SNX29: variants seen among roughly 807,000 people sequenced by gnomAD.
SNX29 encodes sorting nexin 29, also known as sorting nexin-29.
Under a neutral mutation model 102.1 loss-of-function variants are expected in SNX29, and 78 were observed. The observed-to-expected ratio is 0.76, with a 90% CI of 0.64 to 0.92. The LOEUF (loss-of-function observed/expected upper bound fraction) is 0.92, where lower values mean the gene tolerates loss of function less well. Among genes scored for constraint, SNX29 ranks in the 40% least tolerant of loss-of-function variants. The pLI, the probability that SNX29 is intolerant of heterozygous loss-of-function variation, is 0.00. For synonymous variants in SNX29, 580 were observed against 414.5 expected (o/e 1.40, Z -4.85); for missense variants, 1,280 against 1,061.7 (o/e 1.21, Z -2.86).
intron 18 of SNX29, among the ~76,000 whole-genome samples, chr16:12,464,600 A>C (rs11862757): frequency 6.6e-6 from 1 of 151,658 alleles, no homozygotes; most frequent in Non-Finnish European, 1.5e-5. Flanking sequence ...ACTTACAGGC[A>C]TGTACCACCA....
At chr16:12,026,126 C>T (rs1198117039) in intron 3 of SNX29, among the ~76,000 whole-genome samples, 1 of 152,174 alleles carries the variant, frequency 6.6e-6, no homozygotes, top group South Asian at 2.1e-4. Flanking sequence ...AAGGCTGAGC[C>T]GGATGGTGGT....
chr16:12,558,178 G>A (rs1469125721), intron 20 of SNX29, among the ~76,000 whole-genome samples: 1 of 151,984 alleles, frequency 6.6e-6, no homozygotes, highest in African/African-American at 2.4e-5. Context: ...ATGCATCTCA[G>A]TTTTTAATAA....
At position 12,550,545 on chromosome 16, in the gene SNX29, A is replaced by AC. The variant is rs1485991827; in HGVS notation, c.2319-17961_2319-17960insC. On this transcript the variant is annotated intron_variant, in intron 20 of 20. Coordinates refer to ENST00000566228, the MANE Select transcript of SNX29 (RefSeq NM_032167.5). The stretch of plus-strand genomic sequence containing the variant: ...GTCTCAATCTACAAAAAAAAAAAAA[A>AC]AACCAAACACCAAATATGAGGATAT... Among the ~76,000 whole-genome samples, 16 of 151,582 alleles carry AC rather than the reference A, an allele frequency of 1.1e-4. 1 individual carries two copies. The East Asian group carries it at 3.1e-3, about 29-fold the overall frequency.
intron 20 of SNX29, among the ~76,000 whole-genome samples, chr16:12,556,011 T>G (rs566067164): frequency 6.6e-6 from 1 of 152,246 alleles, no homozygotes; most frequent in South Asian, 2.1e-4. Context: ...ACTTGTCCTG[T>G]GGACTCATGC....
At chr16:12,110,528 C>T (rs908071794) in intron 11 of SNX29, among the ~76,000 whole-genome samples, 1 of 152,118 alleles carries the variant, frequency 6.6e-6, no homozygotes, top group African/African-American at 2.4e-5. Context: ...GAGGAAGGGA[C>T]GGCCTTTTGC....
chr16:12,365,576 G>A (rs1051700729), intron 16 of SNX29, among the ~76,000 whole-genome samples: 2 of 151,528 alleles, frequency 1.3e-5, no homozygotes, highest in African/African-American at 4.9e-5. Flanking sequence ...TGTAATCACG[G>A]CTGCTTGGGA....
intron 20 of SNX29, among the ~76,000 whole-genome samples, chr16:12,555,530 C>G (rs1331591032): frequency 5.3e-5 from 8 of 151,530 alleles, no homozygotes; most frequent in South Asian, 2.1e-4. Flanking sequence ...CGCCCCTGCT[C>G]TCTGGGAGGT....
At chr16:12,109,372 C>T (rs771130539) in intron 11 of SNX29, among the ~76,000 whole-genome samples, 1 of 152,040 alleles carries the variant, frequency 6.6e-6, no homozygotes, top group Non-Finnish European at 1.5e-5. Flanking sequence ...CGTGGTACCC[C>T]ATGCATCCAT....
chr16:12,199,570 A>G (rs746605189), intron 13 of SNX29, 31 bp from the exon 14 acceptor site: 8 of 1,574,632 alleles, frequency 5.1e-6, no homozygotes, highest in Non-Finnish European at 6.9e-6. Flanking sequence ...CTTTTTAAAT[A>G]TATATTTTTT....
rs561436424 is a variant in SNX29 at position 12,003,644 on chromosome 16, G to A, written c.122+601G>A. Among the ~76,000 whole-genome samples, 3 of 152,230 alleles carry A rather than the reference G, an allele frequency of 2.0e-5. No homozygotes were observed. The East Asian group carries it at 5.8e-4, about 29-fold the overall frequency. On this transcript the variant is annotated intron_variant, in intron 3 of 20. Transcript: ENST00000566228. The stretch of plus-strand genomic sequence containing the variant: ...GGTAGCAGTAGGGGTAAGAATACTG[G>A]GAATATTGCTTTCTAGTATTTTTCA...
At chr16:12,553,273 G>C (rs532967211) in intron 20 of SNX29, among the ~76,000 whole-genome samples, 1 of 152,210 alleles carries the variant, frequency 6.6e-6, no homozygotes, top group African/African-American at 2.4e-5. Context: ...GCCGCCTAGG[G>C]GCACAGAGTA....
intron 19 of SNX29, among the ~76,000 whole-genome samples, chr16:12,521,546 A>T (rs2090102679): frequency 6.6e-6 from 1 of 152,132 alleles, no homozygotes; most frequent in African/African-American, 2.4e-5. Flanking sequence ...ATTGCTTTAG[A>T]GTGTTTTGAG....
Position 12,433,630 on chromosome 16 carries a change from C to CAAA in SNX29, c.2037+30119_2037+30121dup, listed in dbSNP as rs1235730528. ...TGGGCAACAGAGCAAGACTGCGTCT[C>CAAA]AAAAAAAAAAAAAAAAAAAAGGAAA... On this transcript the variant is annotated intron_variant, in intron 18 of 20. Coordinates refer to ENST00000566228, the MANE Select transcript of SNX29 (RefSeq NM_032167.5). Among the ~76,000 whole-genome samples the CAAA allele has an allele frequency of 1.6e-3, 89 of 55,310 alleles. 2 individuals carry two copies. The highest frequency in any genetic ancestry group is 2.1e-3 in the Non-Finnish European group (59 of 28,776). The allele number at this position is 55,310 out of a possible 152,430, so 36.3% of individuals were successfully genotyped here.
At chr16:12,393,546 G>T (rs1355059657) in intron 16 of SNX29, among the ~76,000 whole-genome samples, 1 of 151,986 alleles carries the variant, frequency 6.6e-6, no homozygotes, top group South Asian at 2.1e-4. Context: ...CACAAGGAGG[G>T]TTCCAATCCA....
At position 12,571,619 on chromosome 16, in the gene SNX29, C is replaced by A; in HGVS notation, c.*2990C>A. ...ACAGAACAGCAGGTTCCATCTTTCACATCTTTTTTTCTCCCCCAGATGAAA... is the reference window on the plus strand; with the variant it reads ...ACAGAACAGCAGGTTCCATCTTTCAAATCTTTTTTTCTCCCCCAGATGAAA... On this transcript the variant is annotated 3_prime_UTR_variant, in exon 21 of 21. Coordinates refer to ENST00000566228, the MANE Select transcript of SNX29 (RefSeq NM_032167.5). The A allele has an allele frequency of 9.4e-7, 1 of 1,059,816 alleles. No homozygotes were observed. Among genetic ancestry groups the A allele is most frequent in the Non-Finnish European group, 1.1e-6 (1 of 875,950 alleles). The allele number at this position is 1,059,816 out of a possible 1,614,324, so 65.7% of individuals were successfully genotyped here.
chr16:12,215,741 C>G (rs1327316835), intron 14 of SNX29, among the ~76,000 whole-genome samples: 1 of 152,190 alleles, frequency 6.6e-6, no homozygotes, highest in Non-Finnish European at 1.5e-5. Context: ...CCCTTTGTTT[C>G]TGATTTTGTC....
intron 1 of SNX29, among the ~76,000 whole-genome samples, chr16:11,993,366 T>A (rs1440867674): frequency 6.6e-6 from 1 of 151,988 alleles, no homozygotes; most frequent in Admixed American, 6.6e-5. Flanking sequence ...CCCTTTCATC[T>A]CCCAGGGCAG....
chr16:12,134,970 C>G (rs753049562), intron 13 of SNX29, among the ~76,000 whole-genome samples: 1 of 152,170 alleles, frequency 6.6e-6, no homozygotes, highest in South Asian at 2.1e-4. Context: ...TGGTGTAGTT[C>G]AAAGGCCCAA....
intron 13 of SNX29, among the ~76,000 whole-genome samples, chr16:12,139,576 A>G (rs2054793900): frequency 1.3e-5 from 2 of 152,212 alleles, no homozygotes; most frequent in African/African-American, 4.8e-5. Context: ...CTTGGCACAA[A>G]GCAGCCAGTT....
Sources: gnomAD v4.1 joint callset for allele counts (sites outside exome capture counted in the v4.1 genomes callset) on GRCh38, gnomAD v4.1.1 for gene constraint, MANE v1.5 for transcripts, NCBI Gene and HGNC (gene_info 2026-07-23, HGNC 2026-07-21) for gene names.